The following HOOK2 variants were observed in gnomAD, a reference collection of about 807,000 sequenced individuals.
The protein encoded by HOOK2 is hook microtubule tethering protein 2.
HOOK2 carries 108 observed loss-of-function variants against 111.9 expected under a neutral mutation model. That is an observed-to-expected ratio of 0.96 (90% CI 0.83 to 1.13). HOOK2 has a LOEUF of 1.13. Ranked by LOEUF, HOOK2 falls within the 50% of genes most tolerant of loss-of-function variation. HOOK2 has a pLI of 0.00. For synonymous variants in HOOK2, 405 were observed against 394.3 expected, an observed-to-expected ratio of 1.03 and a Z score of -0.32; for missense variants, 978 against 951.3, an observed-to-expected ratio of 1.03 and a Z score of -0.37.
upstream of HOOK2, among the ~76,000 whole-genome samples, chr19:12,782,565 CG>C (rs1261288108): frequency 6.6e-6 from 1 of 152,174 alleles, no homozygotes; most frequent in African/African-American, 2.4e-5. Context: ...TGAGACACGA[CG>C]GGGGTCGCTG....
At chr19:12,781,698 T>A (rs554977540), upstream of HOOK2, among the ~76,000 whole-genome samples, 2 of 152,266 alleles carry the variant, frequency 1.3e-5, no homozygotes, top group African/African-American at 4.8e-5. Flanking sequence ...GTGCCCCCTA[T>A]TTGTGGTAAC....
intron 3 of HOOK2, among the ~76,000 whole-genome samples, chr19:12,787,779 G>T (rs1026596152): frequency 2.6e-5 from 4 of 151,978 alleles, no homozygotes; most frequent in Admixed American, 2.6e-4. Context: ...AAAAAGGGCC[G>T]GGCATGGTGG....
chr19:12,791,438 G>T lies in HOOK2; in HGVS notation n.42-17213C>A, dbSNP rs751708346. The T allele has an allele frequency of 2.4e-4, 50 of 208,096 alleles. No homozygotes were observed. The highest frequency in any genetic ancestry group is 4.2e-4 in the Non-Finnish European group (44 of 104,724). 12.9% of individuals were successfully genotyped at this position (208,096 alleles called of 1,614,324 possible). On this transcript the variant is annotated intron_variant and non_coding_transcript_variant, in intron 3 of 3. Coordinates refer to the HOOK2 transcript ENST00000589765. The surrounding 1 kb of genome is among the most constrained non-coding windows in gnomAD (Gnocchi z 7.0). ...CGACGGCCAATCGGAGCGCACTTCC[G>T]TGGCTGACTAGCGCGGTATAAAGGC... is the stretch of plus-strand genomic sequence containing the variant.
upstream of HOOK2, among the ~76,000 whole-genome samples, chr19:12,776,937 C>T (rs1316675349): frequency 1.3e-5 from 2 of 150,490 alleles, no homozygotes; most frequent in African/African-American, 4.9e-5. Flanking sequence ...GCAGGCGGAT[C>T]ACGAGGTCAG....
At chr19:12,769,522 A>T (rs1438297161) in intron 11 of HOOK2, among the ~76,000 whole-genome samples, 1 of 152,206 alleles carries the variant, frequency 6.6e-6, no homozygotes, top group Non-Finnish European at 1.5e-5. Flanking sequence ...TCCTGGGCTC[A>T]AGTGATCCTC....
chr19:12,785,964 C>T (rs1384924799), intron 3 of HOOK2, among the ~76,000 whole-genome samples: 2 of 152,186 alleles, frequency 1.3e-5, no homozygotes, highest in African/African-American at 4.8e-5. Context: ...CTTGGTGATG[C>T]CCAGGTCCCC....
intron 3 of HOOK2, chr19:12,792,257 C>A: frequency 6.7e-7 from 1 of 1,499,192 alleles, no homozygotes; most frequent in Non-Finnish European, 8.9e-7. Context: ...TGGGCGCTAC[C>A]GGGGGGCCCC....
rs772988811 is a variant in HOOK2 at position 12,774,699 on chromosome 19, C to T, written c.174G>A (p.Ser58=). ...WFNEAWLQGI[S]EDPGPNWKLK... is the part of the protein sequence containing the mutation. ...GCTTCCAGTTGGGACCTGGATCTTC[C>T]GAGATGCCCTGGAGCCATGCCTCGT... Residue 58 remains serine (S), a synonymous_variant, in exon 3 of 23, where the codon TCG becomes TCA. Coordinates refer to ENST00000397668, the MANE Select transcript of HOOK2 (RefSeq NM_013312.3). 42 of 1,614,028 alleles carry T rather than the reference C, an allele frequency of 2.6e-5. No homozygotes were observed. The Middle Eastern group carries it at 1.2e-3, about 44-fold the overall frequency.
chr19:12,771,581 AGG>A, intron 7 of HOOK2, 104 bp from the exon 8 acceptor site: 4 of 975,028 alleles, frequency 4.1e-6, no homozygotes, highest in Non-Finnish European at 6.3e-6. Context: ...AGAAACCCTC[AGG>A]ATTGAAAAGA....
At chr19:12,782,293 T>C (rs1456706477), upstream of HOOK2, among the ~76,000 whole-genome samples, 1 of 152,244 alleles carries the variant, frequency 6.6e-6, no homozygotes, top group Non-Finnish European at 1.5e-5. Context: ...CATCCACGTG[T>C]GTCCGTGTTC....
intron 1 of HOOK2, 141 bp from the exon 2 acceptor site, chr19:12,775,038 G>A: frequency 9.0e-7 from 1 of 1,105,282 alleles, no homozygotes; most frequent in Non-Finnish European, 1.3e-6. Context: ...CGAGGGACTG[G>A]CTTCTGCTCA....
In HOOK2 at chr19:12,770,902, G is replaced by A. The variant is rs199635440; in HGVS notation, c.902+30C>T. ...GAAACAGGTTTACCCCCCGCCCCCC[G>A]TGATGGGGACCCAGGAACCCACCAC... On this transcript the variant is annotated intron_variant, in intron 10 of 22. Coordinates refer to ENST00000397668, the MANE Select transcript of HOOK2 (RefSeq NM_013312.3). The A allele has an allele frequency of 7.6e-6, 12 of 1,573,164 alleles. No individual in the cohort carries two copies. The Admixed American group carries it at 9.0e-5, about 12-fold the overall frequency.
chr19:12,769,039 C>T (rs561393081), intron 11 of HOOK2, among the ~76,000 whole-genome samples: 46 of 150,666 alleles, frequency 3.1e-4, no homozygotes, highest in African/African-American at 1.0e-3. Flanking sequence ...GATCTCGGCT[C>T]ACTGCAAGCT....
At chr19:12,767,789 A>G (rs1968199996) in intron 13 of HOOK2, 27 bp downstream of exon 13, 1 of 1,593,614 alleles carries the variant, frequency 6.3e-7, no homozygotes, top group African/African-American at 1.3e-5. Flanking sequence ...AGGACAGGTA[A>G]GACCCCGGGA....
At position 12,791,700 on chromosome 19, in the gene HOOK2, G is replaced by A; in HGVS notation, n.42-17475C>T. 1 of 1,183,920 alleles carries A rather than the reference G, an allele frequency of 8.4e-7. No homozygotes were observed. Among genetic ancestry groups the A allele is most frequent in the Non-Finnish European group, 1.2e-6 (1 of 856,064 alleles). 73.3% of individuals were successfully genotyped at this position (1,183,920 alleles called of 1,614,324 possible). ...CCCAGTCCGGTCACCGCAGCGGAGA[G>A]CTCGCCGCTCGCTGCAGCGAGGCCC... On this transcript the variant is annotated intron_variant and non_coding_transcript_variant, in intron 3 of 3. Coordinates refer to the HOOK2 transcript ENST00000589765. The surrounding 1 kb of genome is among the most constrained non-coding windows in gnomAD (Gnocchi z 7.0).
At chr19:12,764,960 T>C (rs1380322389) in intron 19 of HOOK2, 39 bp downstream of exon 19, 1 of 1,613,890 alleles carries the variant, frequency 6.2e-7, no homozygotes, top group Admixed American at 1.7e-5. Flanking sequence ...TGCTGGGCTC[T>C]GGGATCTCCC....
Position 12,766,084 on chromosome 19 carries a change from T to TA in HOOK2, c.1511+18dup. The TA allele has an allele frequency of 6.2e-7, 1 of 1,602,738 alleles. No homozygotes were observed. The highest frequency in any genetic ancestry group is 8.5e-7 in the Non-Finnish European group (1 of 1,176,872). On this transcript the variant is annotated intron_variant, in intron 15 of 22. Coordinates refer to ENST00000397668, the MANE Select transcript of HOOK2 (RefSeq NM_013312.3). ...CCCCTCTGTCCCTGCTCCGCGCAGG[T>TA]AGGTCCCCAGGCGCTCACCGGTGCT... is the stretch of plus-strand genomic sequence containing the variant.
At chr19:12,769,190 C>A (rs1308277662) in intron 11 of HOOK2, among the ~76,000 whole-genome samples, 1 of 151,896 alleles carries the variant, frequency 6.6e-6, no homozygotes, top group Non-Finnish European at 1.5e-5. Flanking sequence ...TGGTCTCGAT[C>A]TCCTGACCTC....
chr19:12,783,821 A>C (rs1287020476), intron 3 of HOOK2, among the ~76,000 whole-genome samples: 2 of 152,192 alleles, frequency 1.3e-5, no homozygotes, highest in African/African-American at 4.8e-5. Flanking sequence ...CAGGGTGCCC[A>C]GCAGAAGCGA....
Sources: gnomAD v4.1 joint callset for allele counts (sites outside exome capture counted in the v4.1 genomes callset) on GRCh38, gnomAD v4.1.1 for gene constraint, Gnocchi (gnomAD v3.1) non-coding constraint, MANE v1.5 for transcripts, NCBI Gene and HGNC (gene_info 2026-07-23, HGNC 2026-07-21) for gene names.